RANBP17: variants seen among roughly 807,000 people sequenced by gnomAD.
RANBP17 encodes RAN binding protein 17.
Under a neutral mutation model 141.2 loss-of-function variants are expected in RANBP17, and 158 were observed. The ratio of observed to expected loss-of-function variants is 1.12; its 90% CI spans 0.98 to 1.28. RANBP17 has a LOEUF of 1.28. RANBP17 is among the 50% of genes most tolerant of loss of function. The pLI is 0.00. For missense variants in RANBP17, 1,438 were observed against 1,290.7 expected (o/e 1.11, Z -1.75); for synonymous variants, 430 against 450.0 (o/e 0.96, Z 0.56).
At chr5:171,170,495 AT>A (rs79815298) in intron 15 of RANBP17, among the ~76,000 whole-genome samples, 3 of 151,132 alleles carry the variant, frequency 2.0e-5, no homozygotes, top group Admixed American at 6.6e-5. Context: ...ATTGGGCAGC[AT>A]TTTTTTTTAT....
rs78800347 is a variant in RANBP17 at position 171,299,388 on chromosome 5, C to T, written c.*530C>T. Reference sequence around the variant, plus strand: ...CTACAGAGCATCCCACAGGACCACACGCAGGCCTCCCTGCCTCAGCTGCAT... The same window carrying T: ...CTACAGAGCATCCCACAGGACCACATGCAGGCCTCCCTGCCTCAGCTGCAT... On this transcript the variant is annotated 3_prime_UTR_variant, in exon 28 of 28. Transcript: ENST00000523189. 4 of 231,768 alleles carry T rather than the reference C, an allele frequency of 1.7e-5. No individual in the cohort carries two copies. Among genetic ancestry groups the T allele is most frequent in the East Asian group, 6.1e-5 (1 of 16,300 alleles). 14.4% of individuals were successfully genotyped at this position (231,768 alleles called of 1,614,324 possible).
At chr5:170,878,809 G>T in intron 2 of RANBP17, among the ~76,000 whole-genome samples, 1 of 152,182 alleles carries the variant, frequency 6.6e-6, no homozygotes, top group Non-Finnish European at 1.5e-5. Context: ...TGCAGTAAGA[G>T]ACTGTGTGGT....
At chr5:170,936,418 G>A (rs1053320976) in intron 12 of RANBP17, among the ~76,000 whole-genome samples, 2 of 152,118 alleles carry the variant, frequency 1.3e-5, no homozygotes, top group Non-Finnish European at 2.9e-5. Context: ...GCGCCACCAA[G>A]CCGCTGTTTT....
intron 16 of RANBP17, among the ~76,000 whole-genome samples, chr5:171,174,004 G>A (rs114210708): frequency 2.7e-3 from 408 of 152,178 alleles, no homozygotes; most frequent in African/African-American, 9.5e-3. Flanking sequence ...TAATGATGTG[G>A]GGACGTAAGT....
At chr5:171,124,140 A>G (rs893770471) in intron 14 of RANBP17, among the ~76,000 whole-genome samples, 3 of 152,160 alleles carry the variant, frequency 2.0e-5, no homozygotes, top group African/African-American at 4.8e-5. Context: ...CATGATCTCA[A>G]TGAGAAATTT....
rs1318502418 is a variant in RANBP17, at chr5:170,896,936, A to G, written c.489+821A>G. ...AGCTGACTATGCACCAGAATGACCC[A>G]GTTGGTGGTCATACTGGTTGGCCAG... On this transcript the variant is annotated intron_variant, in intron 5 of 27. Coordinates refer to ENST00000523189, the MANE Select transcript of RANBP17 (RefSeq NM_022897.5). The G allele has an allele frequency of 3.6e-5, 26 of 721,262 alleles. No individual in the cohort carries two copies. In the South Asian group the frequency reaches 3.8e-4, roughly 11 times the overall value. The allele number at this position is 721,262 out of a possible 1,614,324, so 44.7% of individuals were successfully genotyped here.
intron 14 of RANBP17, among the ~76,000 whole-genome samples, chr5:171,083,779 A>G (rs1029072694): frequency 1.3e-5 from 2 of 152,060 alleles, no homozygotes; most frequent in Non-Finnish European, 2.9e-5. Flanking sequence ...ATAGCAAATA[A>G]GTCTCACAAC....
chr5:170,975,766 CTGTT>C (rs1400363129), intron 14 of RANBP17, among the ~76,000 whole-genome samples: 5 of 152,088 alleles, frequency 3.3e-5, no homozygotes, highest in Non-Finnish European at 5.9e-5. Context: ...TTCTGCAGCT[CTGTT>C]TGTTTTTTAT....
At position 171,196,018 on chromosome 5, in the gene RANBP17, C is replaced by A. The variant is rs549658285; in HGVS notation, c.2039-3652C>A. On this transcript the variant is annotated intron_variant, in intron 18 of 27. Coordinates refer to ENST00000523189, the MANE Select transcript of RANBP17 (RefSeq NM_022897.5). ...CTTGAGTGTCAGACCTTATTCAAGG[C>A]ACTGGGGATACTCTGTGATGGAAAT... is the stretch of plus-strand genomic sequence containing the variant. Among the ~76,000 whole-genome samples the A allele has an allele frequency of 1.3e-3, 195 of 152,302 alleles. No homozygotes were observed. In the Middle Eastern group the frequency reaches 0.027, roughly 21 times the overall value.
chr5:171,260,399 C>T (rs1212799759), intron 24 of RANBP17, among the ~76,000 whole-genome samples: 1 of 139,628 alleles, frequency 7.2e-6, no homozygotes, highest in African/African-American at 2.7e-5. Flanking sequence ...ACCCAGGAGG[C>T]GGAGATTGCA....
rs377545238 is a variant in RANBP17 at position 171,039,341 on chromosome 5, AT to A, written c.1710+70971del. ...TCTCTGATGATTAGTGATGTTGAAC[AT>A]TTTTTTCATATCCTTGTTGCCACCT... On this transcript the variant is annotated intron_variant, in intron 14 of 27. Transcript: ENST00000523189. Among the ~76,000 whole-genome samples the A allele has an allele frequency of 3.4e-3, 488 of 145,004 alleles. 3 individuals are homozygous for A. Among genetic ancestry groups the A allele is most frequent in the South Asian group, 0.025 (112 of 4,538 alleles).
At chr5:171,058,388 G>T (rs1274722050) in intron 14 of RANBP17, among the ~76,000 whole-genome samples, 1 of 138,684 alleles carries the variant, frequency 7.2e-6, no homozygotes, top group Non-Finnish European at 1.5e-5. Context: ...TTCAATTCCC[G>T]CCCATGAGTG....
intron 18 of RANBP17, among the ~76,000 whole-genome samples, chr5:171,199,391 A>G (rs974839735): frequency 6.6e-6 from 1 of 152,132 alleles, no homozygotes; most frequent in Non-Finnish European, 1.5e-5. Context: ...CCTAGGAGCT[A>G]AAGGACTGAG....
intron 14 of RANBP17, among the ~76,000 whole-genome samples, chr5:171,132,791 G>A (rs191466798): frequency 1.1e-3 from 169 of 151,820 alleles, no homozygotes; most frequent in Non-Finnish European, 2.2e-3. Flanking sequence ...AACTCTTTTC[G>A]TTTACTCTGA....
rs1193376051 is a variant in RANBP17, at chr5:171,277,069, C to CT, written c.2943+11235dup. 3.7e-3 allele frequency among the ~76,000 whole-genome samples: 523 copies of CT among 141,844 alleles called. 2 individuals are homozygous for CT. Among genetic ancestry groups the CT allele is most frequent in the African/African-American group, 6.7e-3 (260 of 39,084 alleles). The allele number at this position is 141,844 out of a possible 152,430, so 93.1% of individuals were successfully genotyped here. ...TGACATTCAGTGATTTTTGGTTTGT[C>CT]TTTTTTTTTTTTTCTTAAGAATTCT... On this transcript the variant is annotated intron_variant, in intron 25 of 27. Transcript: ENST00000523189.
chr5:170,981,375 T>G (rs1346030303), intron 14 of RANBP17, among the ~76,000 whole-genome samples: 1 of 151,736 alleles, frequency 6.6e-6, no homozygotes, highest in Non-Finnish European at 1.5e-5. Flanking sequence ...AATGATAGGG[T>G]TTGGCTGTGT....
At chr5:171,239,367 A>G (rs1764726784) in intron 22 of RANBP17, among the ~76,000 whole-genome samples, 2 of 152,210 alleles carry the variant, frequency 1.3e-5, no homozygotes. Flanking sequence ...GCTCTGCTAG[A>G]AGTATTGGTC....
chr5:170,881,139 T>C (rs1768642834), intron 2 of RANBP17, among the ~76,000 whole-genome samples: 1 of 152,154 alleles, frequency 6.6e-6, no homozygotes, highest in Admixed American at 6.5e-5. Context: ...CTGTTTAAAA[T>C]TGCAAAAAAC....
chr5:171,098,902 GGTTT>G (rs1484350699), intron 14 of RANBP17, among the ~76,000 whole-genome samples: 2 of 152,138 alleles, frequency 1.3e-5, no homozygotes, highest in Non-Finnish European at 2.9e-5. Flanking sequence ...GTTTTTGGCA[GGTTT>G]GTTAAAAATC....
Sources: allele counts gnomAD v4.1 joint callset (sites outside exome capture counted in the v4.1 genomes callset), GRCh38; gene constraint gnomAD v4.1.1; transcripts MANE v1.5; gene names NCBI Gene and HGNC (gene_info 2026-07-23, HGNC 2026-07-21).